LRRN1: variants seen among roughly 807,000 people sequenced by gnomAD.
LRRN1 encodes the protein leucine rich repeat neuronal 1, also known as leucine-rich repeat neuronal protein 1.
LRRN1 carries 14 observed loss-of-function variants against 45.8 expected under a neutral mutation model. That is an observed-to-expected ratio of 0.31 (90% CI 0.20 to 0.48). LRRN1 has a LOEUF of 0.48. Among genes scored for constraint, LRRN1 ranks in the 20% least tolerant of loss-of-function variants. LRRN1 has a pLI of 0.99. For missense variants in LRRN1, 789 were observed against 874.2 expected (o/e 0.90, Z 1.23); for synonymous variants, 359 against 330.1 (o/e 1.09, Z -0.95).
At chr3:3,840,707 A>G (rs951983085) in intron 1 of LRRN1, among the ~76,000 whole-genome samples, 6 of 152,168 alleles carry the variant, frequency 3.9e-5, no homozygotes, top group Non-Finnish European at 7.3e-5. Flanking sequence ...TAGGAGAAAA[A>G]AATGTCTTCC....
intron 1 of LRRN1, among the ~76,000 whole-genome samples, chr3:3,828,945 C>G (rs1693298227): frequency 6.6e-6 from 1 of 151,498 alleles, no homozygotes; most frequent in Admixed American, 6.6e-5. Flanking sequence ...TCTATATTCC[C>G]TTTGCCTTCA....
intron 1 of LRRN1, among the ~76,000 whole-genome samples, chr3:3,805,212 CAGAA>C (rs1281685513): frequency 2.0e-5 from 3 of 152,180 alleles, no homozygotes; most frequent in Admixed American, 1.3e-4. Context: ...CAGTGAGCCA[CAGAA>C]AGAATCATCC....
chr3:3,803,783 G>A (rs1377688074), intron 1 of LRRN1, among the ~76,000 whole-genome samples: 1 of 152,218 alleles, frequency 6.6e-6, no homozygotes, highest in Non-Finnish European at 1.5e-5. Context: ...ATACTTTAGT[G>A]ACCAAGGGAT....
rs1174193155 is a variant in LRRN1, at chr3:3,848,562, C to G, written c.*1770C>G. 6.6e-6 allele frequency among the ~76,000 whole-genome samples: 1 copy of G among 152,062 alleles called. No individual in the cohort carries two copies. Among genetic ancestry groups the G allele is most frequent in the Non-Finnish European group, 1.5e-5 (1 of 67,994 alleles). On this transcript the variant is annotated 3_prime_UTR_variant, in exon 2 of 2. Transcript: ENST00000319331. ...GGCAGTATCTTGCTTTTGTGAATCACTTTATTAAAAAAAATCACTTTCTTC... is the reference window on the plus strand; with the variant it reads ...GGCAGTATCTTGCTTTTGTGAATCAGTTTATTAAAAAAAATCACTTTCTTC...
chr3:3,815,780 T>C (rs1345291230), intron 1 of LRRN1, among the ~76,000 whole-genome samples: 1 of 152,174 alleles, frequency 6.6e-6, no homozygotes, highest in Non-Finnish European at 1.5e-5. Flanking sequence ...CATTTGAATA[T>C]TCTATAGTTT....
chr3:3,846,089 C>A lies in LRRN1; in HGVS notation c.1448C>A (p.Thr483Asn). Residue 483 changes from threonine (T) to asparagine (N), a missense_variant, in exon 2 of 2, where the codon ACC (threonine) becomes AAC (asparagine). Transcript: ENST00000319331. This position sits in a 1 kb window ranked among gnomAD's most constrained non-coding sequence, Gnocchi z 5.7. ...SDKYKLSSEG[T>N]LEISNIQIED... ...AAATACAAGCTAAGTAGCGAAGGTA[C>A]CTTGGAAATATCTAACATACAAATT... 6.2e-7 allele frequency: 1 copy of A among 1,614,024 alleles called. No homozygotes were observed. The highest frequency in any genetic ancestry group is 8.5e-7 in the Non-Finnish European group (1 of 1,180,016).
At chr3:3,828,497 C>A (rs1693280748) in intron 1 of LRRN1, among the ~76,000 whole-genome samples, 1 of 152,054 alleles carries the variant, frequency 6.6e-6, no homozygotes, top group Non-Finnish European at 1.5e-5. Context: ...CCCACACACA[C>A]ACACCTAAGA....
chr3:3,825,858 TATTTGC>T (rs1693204757), intron 1 of LRRN1, among the ~76,000 whole-genome samples: 1 of 152,194 alleles, frequency 6.6e-6, no homozygotes, highest in Non-Finnish European at 1.5e-5. Flanking sequence ...ACGTATGGAG[TATTTGC>T]CAATAATATT....
chr3:3,824,963 G>A (rs1057062089), intron 1 of LRRN1, among the ~76,000 whole-genome samples: 1 of 152,112 alleles, frequency 6.6e-6, no homozygotes, highest in East Asian at 1.9e-4. Flanking sequence ...TTGCGCATCT[G>A]TATATTTCAC....
intron 1 of LRRN1, among the ~76,000 whole-genome samples, chr3:3,831,264 A>G (rs993579179): frequency 1.3e-5 from 2 of 152,226 alleles, no homozygotes; most frequent in South Asian, 2.1e-4. Context: ...GAGGGGCCAA[A>G]TACAGCAACT....
At chr3:3,808,497 G>A (rs1458427120) in intron 1 of LRRN1, among the ~76,000 whole-genome samples, 1 of 152,192 alleles carries the variant, frequency 6.6e-6, no homozygotes, top group Non-Finnish European at 1.5e-5. Flanking sequence ...TTTTAGAGGA[G>A]AGAGTCCTTT....
intron 1 of LRRN1, among the ~76,000 whole-genome samples, chr3:3,840,318 A>G (rs1693621382): frequency 6.6e-6 from 1 of 152,206 alleles, no homozygotes; most frequent in Admixed American, 6.5e-5. Context: ...CATTCCTGGT[A>G]TAAATCCAAC....
At chr3:3,804,426 C>T (rs900888048) in intron 1 of LRRN1, among the ~76,000 whole-genome samples, 13 of 152,130 alleles carry the variant, frequency 8.5e-5, no homozygotes, top group Non-Finnish European at 1.9e-4. Flanking sequence ...TCCTGAGATG[C>T]GGAGAATCTA....
intron 1 of LRRN1, among the ~76,000 whole-genome samples, chr3:3,834,325 T>A (rs1693436983): frequency 6.6e-6 from 1 of 151,518 alleles, no homozygotes; most frequent in Non-Finnish European, 1.5e-5. Flanking sequence ...AGTCTCTAAA[T>A]AGTTTACAAC....
chr3:3,823,569 T>C (rs562390896), intron 1 of LRRN1, among the ~76,000 whole-genome samples: 1 of 152,268 alleles, frequency 6.6e-6, no homozygotes, highest in South Asian at 2.1e-4. Flanking sequence ...GGAAATTTGT[T>C]GAAATCCTGC....
chr3:3,835,584 ATT>A (rs59300921), intron 1 of LRRN1, among the ~76,000 whole-genome samples: 2,473 of 135,146 alleles, frequency 0.018, 60 homozygotes, highest in East Asian at 0.13. Flanking sequence ...GAGCTGCCTG[ATT>A]TTTTTTTTTT....
chr3:3,807,747 A>G (rs1271927456), intron 1 of LRRN1, among the ~76,000 whole-genome samples: 1 of 152,172 alleles, frequency 6.6e-6, no homozygotes, highest in Non-Finnish European at 1.5e-5. Context: ...TGGAATCTAC[A>G]TGAACTCATC....
chr3:3,811,724 A>G (rs1692875055), intron 1 of LRRN1, among the ~76,000 whole-genome samples: 1 of 152,356 alleles, frequency 6.6e-6, no homozygotes, highest in Middle Eastern at 3.4e-3. Context: ...CATTAAATGC[A>G]TGTCGAATAT....
At chr3:3,801,538 AT>A (rs1241070976) in intron 1 of LRRN1, among the ~76,000 whole-genome samples, 1 of 152,160 alleles carries the variant, frequency 6.6e-6, no homozygotes, top group African/African-American at 2.4e-5. Context: ...GAAGTCTCTG[AT>A]TTGCATGCAA....
Sources: allele counts gnomAD v4.1 joint callset (sites outside exome capture counted in the v4.1 genomes callset), GRCh38; gene constraint gnomAD v4.1.1; non-coding constraint Gnocchi (gnomAD v3.1); transcripts MANE v1.5; gene names NCBI Gene and HGNC (gene_info 2026-07-23, HGNC 2026-07-21).